Variants in NR2C2 observed in about 807,000 individuals in gnomAD.
The protein encoded by NR2C2 is Nuclear hormone receptor TR4.
Under a neutral mutation model 62.9 loss-of-function variants are expected in NR2C2, and 6 were observed. That is an observed-to-expected ratio of 0.10 (90% CI 0.05 to 0.19). The LOEUF is 0.19. NR2C2 is among the 10% of genes least tolerant of loss of function. The pLI is 1.00. For synonymous variants in NR2C2, 272 were observed against 273.8 expected, an observed-to-expected ratio of 0.99 and a Z score of 0.07; for missense variants, 479 against 762.7, an observed-to-expected ratio of 0.63 and a Z score of 4.38.
chr3:15,021,549 C>T (rs1313106941), intron 5 of NR2C2, among the ~76,000 whole-genome samples: 2 of 152,156 alleles, frequency 1.3e-5, no homozygotes, highest in African/African-American at 4.8e-5. Flanking sequence ...GAGGTCACTT[C>T]CCTAGCTAGT....
intron 1 of NR2C2, among the ~76,000 whole-genome samples, chr3:14,979,529 G>A (rs564111179): frequency 6.6e-6 from 1 of 152,318 alleles, no homozygotes; most frequent in Admixed American, 6.5e-5. Context: ...GATCAAAAGT[G>A]ACAGGAATTA....
In NR2C2 at chr3:15,019,674, G is replaced by A. The variant is rs111384690; in HGVS notation, c.377-1079G>A. Among the ~76,000 whole-genome samples, 271 of 151,922 alleles carry A rather than the reference G, an allele frequency of 1.8e-3. 1 individual carries two copies. Among genetic ancestry groups the A allele is most frequent in the Admixed American group, 4.3e-3 (65 of 15,236 alleles). On this transcript the variant is annotated intron_variant, in intron 4 of 13. Coordinates refer to ENST00000425241, the MANE Select transcript of NR2C2 (RefSeq NM_001291694.2). The stretch of plus-strand genomic sequence containing the variant: ...AAGCCAGACACAGAAAGACAAATAC[G>A]ATCTCACTCATGTGGAATCCTTAAA...
At chr3:14,961,017 T>G (rs2039674631) in intron 1 of NR2C2, among the ~76,000 whole-genome samples, 2 of 152,240 alleles carry the variant, frequency 1.3e-5, no homozygotes, top group Non-Finnish European at 2.9e-5. Context: ...ACAATAAACT[T>G]ATCTCCTCAG....
In NR2C2 at chr3:15,044,778, C is replaced by G. The variant is rs2042393236; in HGVS notation, c.*1770C>G. 1.3e-5 allele frequency: 2 copies of G among 152,246 alleles called. No homozygotes were observed. Among genetic ancestry groups the G allele is most frequent in the South Asian group, 4.1e-4 (2 of 4,838 alleles). The allele number at this position is 152,246 out of a possible 1,614,324, so 9.4% of individuals were successfully genotyped here. On this transcript the variant is annotated 3_prime_UTR_variant, in exon 14 of 14. Coordinates refer to ENST00000425241, the MANE Select transcript of NR2C2 (RefSeq NM_001291694.2). ...CCAGCTACAGACGCCCCTGTGGTGC[C>G]ACATTGGACAGAATGGAAGCTGCTG...
chr3:14,972,878 AACTC>A (rs1415170537), intron 1 of NR2C2, among the ~76,000 whole-genome samples: 1 of 152,138 alleles, frequency 6.6e-6, no homozygotes, highest in African/African-American at 2.4e-5. Flanking sequence ...ATCTCATGGT[AACTC>A]ACTCACTATC....
chr3:14,983,119 C>T (rs2040419924), intron 1 of NR2C2, among the ~76,000 whole-genome samples: 1 of 152,086 alleles, frequency 6.6e-6, no homozygotes, highest in South Asian at 2.1e-4. Flanking sequence ...ATGAACATTC[C>T]AGTTGTACTC....
intron 12 of NR2C2, chr3:15,038,435 C>A: frequency 4.1e-6 from 1 of 245,170 alleles, no homozygotes; most frequent in South Asian, 1.2e-4. Context: ...GTGCTGCCAC[C>A]CGATGTCCTT....
intron 1 of NR2C2, among the ~76,000 whole-genome samples, chr3:14,982,310 G>A (rs941418278): frequency 7.2e-5 from 11 of 152,210 alleles, no homozygotes; most frequent in African/African-American, 2.4e-4. Context: ...GGCTCAAGCA[G>A]TTGTGAGCCA....
intron 1 of NR2C2, among the ~76,000 whole-genome samples, chr3:14,989,014 G>A (rs1321304228): frequency 6.6e-6 from 1 of 152,078 alleles, no homozygotes; most frequent in Non-Finnish European, 1.5e-5. Context: ...TCTTCCCCTA[G>A]GCTTTTGTTT....
At chr3:15,022,816 A>G (rs2041714121) in intron 5 of NR2C2, among the ~76,000 whole-genome samples, 1 of 152,220 alleles carries the variant, frequency 6.6e-6, no homozygotes, top group African/African-American at 2.4e-5. Context: ...GCTTGAGCCC[A>G]GGATGAGTCC....
At position 15,013,694 on chromosome 3, in the gene NR2C2, G is replaced by A; in HGVS notation, c.178G>A (p.Gly60Arg). The A allele has an allele frequency of 6.2e-7, 1 of 1,614,238 alleles. No homozygotes were observed. The highest frequency in any genetic ancestry group is 8.5e-7 in the Non-Finnish European group (1 of 1,180,038). ...CATCCTGACCAGCCCAGATGGAGCTGGAACTGGGAAGGTGATCCTGGCTTC... is the reference window on the plus strand; with the variant it reads ...CATCCTGACCAGCCCAGATGGAGCTAGAACTGGGAAGGTGATCCTGGCTTC... ...QFILTSPDGA[G>R]TGKVILASPE... is the part of the protein sequence containing the mutation. Residue 60 changes from glycine (G) to arginine (R), a missense_variant, in exon 3 of 14, where the codon GGA (glycine) becomes AGA (arginine). Physicochemically the swap from Gly to Arg is moderately radical, Grantham distance 125 (BLOSUM62 -2). Transcript: ENST00000425241.
At chr3:15,030,540 C>A in intron 9 of NR2C2, 88 bp downstream of exon 9, 1 of 1,369,066 alleles carries the variant, frequency 7.3e-7, no homozygotes, top group African/African-American at 1.5e-5. Flanking sequence ...AAAAATCAAA[C>A]CTTGGGGCCA....
chr3:14,994,023 C>T (rs989980700), intron 1 of NR2C2, among the ~76,000 whole-genome samples: 7 of 152,214 alleles, frequency 4.6e-5, no homozygotes, highest in Middle Eastern at 3.4e-3. Flanking sequence ...TTGCCCTGTG[C>T]GCACAACCCC....
chr3:14,981,882 A>G (rs2040380218), intron 1 of NR2C2, among the ~76,000 whole-genome samples: 1 of 152,200 alleles, frequency 6.6e-6, no homozygotes, highest in Admixed American at 6.5e-5. Context: ...GCCAGAAGAC[A>G]TAGGCAGTCT....
chr3:14,948,947 A>G (rs2039249145), intron 1 of NR2C2, among the ~76,000 whole-genome samples: 1 of 152,172 alleles, frequency 6.6e-6, no homozygotes, highest in Non-Finnish European at 1.5e-5. Context: ...AAATGGAGGC[A>G]ACGCTACTTT....
intron 12 of NR2C2, 146 bp downstream of exon 12, chr3:15,038,283 T>G (rs1447915244): frequency 9.0e-6 from 7 of 778,290 alleles, no homozygotes; most frequent in Non-Finnish European, 1.4e-5. Flanking sequence ...TTTTGCTAGA[T>G]AAATACATAA....
Position 15,043,995 on chromosome 3 carries a change from G to A in NR2C2, c.*987G>A, listed in dbSNP as rs1467786640. 1 of 152,208 alleles carries A rather than the reference G, an allele frequency of 6.6e-6. No homozygotes were observed. Among genetic ancestry groups the A allele is most frequent in the Admixed American group, 6.5e-5 (1 of 15,286 alleles). The allele number at this position is 152,208 out of a possible 1,614,324, so 9.4% of individuals were successfully genotyped here. Reference sequence around the variant, plus strand: ...GACAGTACTTCCAATACAATTGGGGGTGCTTGTGTGTTTGTCCAGATGGAG... The same window carrying A: ...GACAGTACTTCCAATACAATTGGGGATGCTTGTGTGTTTGTCCAGATGGAG... On this transcript the variant is annotated 3_prime_UTR_variant, in exon 14 of 14. Transcript: ENST00000425241.
At chr3:15,019,586 GA>G (rs1371979910) in intron 4 of NR2C2, among the ~76,000 whole-genome samples, 2 of 152,120 alleles carry the variant, frequency 1.3e-5, no homozygotes, top group Admixed American at 1.3e-4. Context: ...ACATAAAACT[GA>G]ATGAAATCCT....
rs1299267071 is a variant in NR2C2 at position 15,044,212 on chromosome 3, C to A, written c.*1204C>A. 8 of 152,210 alleles carry A rather than the reference C, an allele frequency of 5.3e-5. No homozygotes were observed. Among genetic ancestry groups the A allele is most frequent in the African/African-American group, 1.9e-4 (8 of 41,442 alleles). The allele number at this position is 152,210 out of a possible 1,614,324, so 9.4% of individuals were successfully genotyped here. On this transcript the variant is annotated 3_prime_UTR_variant, in exon 14 of 14. Coordinates refer to ENST00000425241, the MANE Select transcript of NR2C2 (RefSeq NM_001291694.2). ...TGGATGGAAGGTTTCAGGACAATTT[C>A]TTCCTGTTGACCTTAAATACCAGAG...
Sources: gnomAD v4.1 joint callset for allele counts (sites outside exome capture counted in the v4.1 genomes callset) on GRCh38, gnomAD v4.1.1 for gene constraint, MANE v1.5 for transcripts, NCBI Gene and HGNC (gene_info 2026-07-23, HGNC 2026-07-21) for gene names.